SYBU: variants seen among roughly 807,000 people sequenced by gnomAD.
The protein encoded by SYBU is syntabulin.
Under a neutral mutation model 35.9 loss-of-function variants are expected in SYBU, and 21 were observed. That is an observed-to-expected ratio of 0.58 (90% CI 0.41 to 0.84). SYBU has a LOEUF of 0.84. SYBU is among the 40% of genes least tolerant of loss of function. SYBU has a pLI of 0.00. For missense variants in SYBU, 768 were observed against 848.2 expected (o/e 0.91, Z 1.17); for synonymous variants, 319 against 324.3 (o/e 0.98, Z 0.18).
intron 1 of SYBU, among the ~76,000 whole-genome samples, chr8:109,676,300 G>C (rs1253534384): frequency 1.3e-5 from 2 of 152,170 alleles, no homozygotes; most frequent in Admixed American, 1.3e-4. Flanking sequence ...AATCAGGCAA[G>C]AGAAAGAAAT....
intron 1 of SYBU, among the ~76,000 whole-genome samples, chr8:109,688,503 ACCC>A (rs1817570212): frequency 6.6e-6 from 1 of 152,198 alleles, no homozygotes; most frequent in Non-Finnish European, 1.5e-5. Context: ...TTGGTGGCCA[ACCC>A]CAAAGAAAAA....
upstream of SYBU, chr8:109,646,260 A>C (rs964065169): frequency 1.3e-5 from 2 of 152,214 alleles, no homozygotes; most frequent in Non-Finnish European, 2.9e-5. Context: ...AGTGTCCTAC[A>C]TAGGAGGACT....
rs1586718825 is a variant in SYBU, at chr8:109,577,864, T to C, written c.884+4A>G. On this transcript the variant is annotated splice_donor_region_variant and intron_variant, in intron 6 of 6. Transcript: ENST00000276646. The stretch of plus-strand genomic sequence containing the variant: ...ACCCCACCGTTCAAGGAAGGCAGAT[T>C]CACCTTTCATGGAGTCGGCGCTCAG... 6.2e-7 allele frequency: 1 copy of C among 1,610,148 alleles called. No individual in the cohort carries two copies. Among genetic ancestry groups the C allele is most frequent in the Non-Finnish European group, 8.5e-7 (1 of 1,177,958 alleles).
upstream of SYBU, among the ~76,000 whole-genome samples, chr8:109,682,779 A>G (rs1319616462): frequency 6.6e-6 from 1 of 152,186 alleles, no homozygotes; most frequent in Non-Finnish European, 1.5e-5. Flanking sequence ...ACAGACCCAG[A>G]GGCCTAGTAG....
chr8:109,666,096 C>T (rs558423856), intron 1 of SYBU, among the ~76,000 whole-genome samples: 1 of 152,244 alleles, frequency 6.6e-6, no homozygotes, highest in African/African-American at 2.4e-5. Context: ...ATGGACGCTG[C>T]GGAAAATTGC....
chr8:109,686,520 G>T (rs926457082), intron 1 of SYBU, among the ~76,000 whole-genome samples: 2 of 152,096 alleles, frequency 1.3e-5, no homozygotes, highest in African/African-American at 4.8e-5. Flanking sequence ...AAGTTAATTT[G>T]GTGTGTATTA....
chr8:109,691,014 C>T lies in SYBU; in HGVS notation c.-58+319G>A, dbSNP rs1220309808. Among the ~76,000 whole-genome samples, 1 of 152,132 alleles carries T rather than the reference C, an allele frequency of 6.6e-6. No homozygotes were observed. The highest frequency in any genetic ancestry group is 1.5e-5 in the Non-Finnish European group (1 of 68,018). ...CAACCAGTAAAGGGAGATTCAAAAC[C>T]GACGGCCTATACATTAGCCTGGCTA... On this transcript the variant is annotated intron_variant, in intron 1 of 7. Coordinates refer to the SYBU transcript ENST00000422135. This position sits in a 1 kb window ranked among gnomAD's most constrained non-coding sequence, Gnocchi z 4.7.
At chr8:109,664,847 A>G (rs1022185114) in intron 1 of SYBU, among the ~76,000 whole-genome samples, 2 of 152,198 alleles carry the variant, frequency 1.3e-5, no homozygotes, top group Admixed American at 6.5e-5. Context: ...AACCATTCTG[A>G]TAATAAAACC....
chr8:109,678,914 C>T (rs112665765), intron 1 of SYBU, among the ~76,000 whole-genome samples: 5 of 152,016 alleles, frequency 3.3e-5, no homozygotes, highest in Non-Finnish European at 5.9e-5. Flanking sequence ...ACAGGGGCTG[C>T]GTAAAATAAG....
intron 1 of SYBU, among the ~76,000 whole-genome samples, chr8:109,668,675 C>A (rs1816857018): frequency 6.6e-6 from 1 of 152,136 alleles, no homozygotes; most frequent in South Asian, 2.1e-4. Flanking sequence ...AAAATAGTAT[C>A]CTGCTATTTC....
chr8:109,637,021 T>C (rs1814304783), intron 2 of SYBU, among the ~76,000 whole-genome samples: 1 of 152,206 alleles, frequency 6.6e-6, no homozygotes, highest in African/African-American at 2.4e-5. Flanking sequence ...CATCTTGTGA[T>C]GCTACTTTGG....
intron 1 of SYBU, among the ~76,000 whole-genome samples, chr8:109,688,783 G>A (rs3133934): frequency 0.28 from 40,995 of 148,510 alleles, 6,118 homozygotes; most frequent in East Asian, 0.52. Context: ...AAAAAAAAAA[G>A]AGAGAGAAGA....
At chr8:109,648,275 A>T (rs551758749), upstream of SYBU, among the ~76,000 whole-genome samples, 7 of 144,992 alleles carry the variant, frequency 4.8e-5, no homozygotes, top group Admixed American at 2.8e-4. Context: ...ATATATATAT[A>T]ATATATATAT....
At chr8:109,616,743 C>T (rs1275148955) in intron 3 of SYBU, among the ~76,000 whole-genome samples, 5 of 149,006 alleles carry the variant, frequency 3.4e-5, no homozygotes, top group African/African-American at 1.2e-4. Flanking sequence ...TTTCCTACAT[C>T]ATTTTATCTT....
intron 3 of SYBU, among the ~76,000 whole-genome samples, chr8:109,617,037 G>T (rs1229674407): frequency 6.6e-6 from 1 of 152,148 alleles, no homozygotes; most frequent in East Asian, 1.9e-4. Context: ...TTGGGAGGGT[G>T]AGGCTGGAGA....
At chr8:109,688,063 A>T (rs982542884) in intron 1 of SYBU, among the ~76,000 whole-genome samples, 2 of 152,208 alleles carry the variant, frequency 1.3e-5, no homozygotes. Flanking sequence ...GTCATTGTAC[A>T]GTGTTTCCTG....
chr8:109,643,952 C>T (rs953607338), intron 1 of SYBU, among the ~76,000 whole-genome samples: 16 of 152,166 alleles, frequency 1.1e-4, no homozygotes, highest in African/African-American at 3.9e-4. Flanking sequence ...TGCAAAAATT[C>T]CACTGCTTCC....
chr8:109,654,699 C>G lies in SYBU; in HGVS notation c.-129+26012G>C, dbSNP rs544601683. ...TTATATCTCACAGGGTCCACAAACT[C>G]ACTACATTCCAAATTGAATTCATCA... is the stretch of plus-strand genomic sequence containing the variant. On this transcript the variant is annotated intron_variant, in intron 1 of 5. Transcript: ENST00000408889. Among the ~76,000 whole-genome samples, 153 of 152,180 alleles carry G rather than the reference C, an allele frequency of 1.0e-3. 1 individual carries two copies. The highest frequency in any genetic ancestry group is 1.8e-3 in the Non-Finnish European group (121 of 68,022).
intron 2 of SYBU, among the ~76,000 whole-genome samples, chr8:109,636,895 T>A (rs907667133): frequency 1.3e-5 from 2 of 151,942 alleles, no homozygotes; most frequent in Non-Finnish European, 2.9e-5. Flanking sequence ...AAATATAGAG[T>A]CAGCAACTAC....
Sources: gnomAD v4.1 joint callset for allele counts (sites outside exome capture counted in the v4.1 genomes callset) on GRCh38, gnomAD v4.1.1 for gene constraint, Gnocchi (gnomAD v3.1) non-coding constraint, MANE v1.5 for transcripts, NCBI Gene and HGNC (gene_info 2026-07-23, HGNC 2026-07-21) for gene names.